Variants in KIF5C observed in about 807,000 individuals in gnomAD.
KIF5C encodes kinesin heavy chain isoform 5C.
Under a neutral mutation model 125.2 loss-of-function variants are expected in KIF5C, and 18 were observed. The ratio of observed to expected loss-of-function variants is 0.14; its 90% CI spans 0.10 to 0.21. The LOEUF is 0.21. Among genes scored for constraint, KIF5C ranks in the 10% least tolerant of loss-of-function variants. The pLI, the probability that KIF5C is intolerant of heterozygous loss-of-function variation, is 1.00. For synonymous variants in KIF5C, 405 were observed against 434.0 expected (o/e 0.93, Z 0.83); for missense variants, 780 against 1,183.8 (o/e 0.66, Z 5.01).
intron 1 of KIF5C, chr2:148,878,708 G>C (rs567061384): frequency 1.3e-4 from 20 of 152,326 alleles, no homozygotes; most frequent in African/African-American, 4.8e-4. Context: ...AATTCAGTTG[G>C]AGCCGGCTGA....
chr2:148,994,684 C>A, intron 17 of KIF5C, 146 bp downstream of exon 17: 1 of 1,020,546 alleles, frequency 9.8e-7, no homozygotes, highest in Non-Finnish European at 1.3e-6. Flanking sequence ...AAAAAAGGAG[C>A]GATTTCTTTT....
chr2:148,891,990 A>G (rs1681720753), intron 1 of KIF5C, among the ~76,000 whole-genome samples: 1 of 152,158 alleles, frequency 6.6e-6, no homozygotes, highest in Non-Finnish European at 1.5e-5. Flanking sequence ...GAGCCACTGC[A>G]TCATTCATTT....
chr2:148,951,840 A>C (rs552988502), intron 10 of KIF5C, among the ~76,000 whole-genome samples: 2 of 152,278 alleles, frequency 1.3e-5, no homozygotes, highest in South Asian at 4.1e-4. Flanking sequence ...GATGAGAGAA[A>C]GGACAGATGG....
chr2:148,927,187 A>G (rs1306926944), intron 2 of KIF5C, among the ~76,000 whole-genome samples: 1 of 152,086 alleles, frequency 6.6e-6, no homozygotes, highest in South Asian at 2.1e-4. Context: ...AGTTAGTGGG[A>G]TTGTGCCTTC....
At chr2:148,943,594 A>G (rs1682458482) in intron 7 of KIF5C, among the ~76,000 whole-genome samples, 1 of 152,164 alleles carries the variant, frequency 6.6e-6, no homozygotes, top group Non-Finnish European at 1.5e-5. Context: ...TTCCATCTCA[A>G]TACTTAGAAT....
chr2:148,962,464 C>G (rs1371683103), intron 11 of KIF5C, among the ~76,000 whole-genome samples: 1 of 152,004 alleles, frequency 6.6e-6, no homozygotes, highest in Non-Finnish European at 1.5e-5. Context: ...TAAACGTGAG[C>G]CACCGTGCCT....
rs778816491 is a variant in KIF5C at position 148,875,673 on chromosome 2, A to G, written c.56A>G (p.Asn19Ser). Reference sequence around the variant, plus strand: ...GTGATGTGCCGGTTCCGGCCCCTCAACGAAGCGGAGATCCTCCGCGGGGAC... The same window carrying G: ...GTGATGTGCCGGTTCCGGCCCCTCAGCGAAGCGGAGATCCTCCGCGGGGAC... ...IKVMCRFRPL[N>S]EAEILRGDKF... The change falls in exon 1 of 26, where the codon AAC (asparagine) becomes AGC (serine). Residue 19 changes from asparagine to serine, a missense_variant. Asn to Ser is a conservative substitution (Grantham distance 46). Around this residue, in one of 2 missense-constraint regions of KIF5C, gnomAD observed 207 missense variants for 441.2 expected, o/e 0.47. Transcript: ENST00000435030. 19 of 1,579,452 alleles carry G rather than the reference A, an allele frequency of 1.2e-5. No homozygotes were observed. Among genetic ancestry groups the G allele is most frequent in the Admixed American group, 1.8e-5 (1 of 55,130 alleles).
intron 25 of KIF5C, among the ~76,000 whole-genome samples, 174 bp downstream of exon 25, chr2:149,011,857 C>T (rs1682218409): frequency 6.6e-6 from 1 of 152,248 alleles, no homozygotes; most frequent in African/African-American, 2.4e-5. Flanking sequence ...TAGTCCAGAG[C>T]CCTGGGGTCT....
intron 15 of KIF5C, among the ~76,000 whole-genome samples, chr2:148,989,708 G>A (rs914806065): frequency 6.6e-6 from 1 of 151,924 alleles, no homozygotes; most frequent in African/African-American, 2.4e-5. Flanking sequence ...TTCACATTGT[G>A]GTTTTGATTT....
chr2:148,947,332 G>A (rs1682542281), intron 8 of KIF5C: 1 of 295,612 alleles, frequency 3.4e-6, no homozygotes, highest in African/African-American at 2.2e-5. Flanking sequence ...GCACACATGT[G>A]GGAGGGATAT....
chr2:148,881,563 G>A (rs1395568161), intron 1 of KIF5C, among the ~76,000 whole-genome samples: 6 of 151,752 alleles, frequency 4.0e-5, no homozygotes, highest in Admixed American at 2.6e-4. Flanking sequence ...CTGCATTTCT[G>A]TAAATAACTT....
chr2:148,990,263 C>G (rs1328432023), intron 15 of KIF5C, among the ~76,000 whole-genome samples: 2 of 152,204 alleles, frequency 1.3e-5, no homozygotes, highest in African/African-American at 4.8e-5. Flanking sequence ...TGCGGGAATG[C>G]TGGCTGTCAG....
chr2:148,884,107 T>C (rs1351287672), intron 1 of KIF5C: 1 of 152,248 alleles, frequency 6.6e-6, no homozygotes, highest in Non-Finnish European at 1.5e-5. Context: ...CGTCATGCAC[T>C]GTTAACCCCC....
At chr2:148,957,592 TAAAAA>T (rs201033625) in intron 10 of KIF5C, among the ~76,000 whole-genome samples, 41 of 71,796 alleles carry the variant, frequency 5.7e-4, no homozygotes, top group African/African-American at 7.8e-4. Flanking sequence ...TTTGTTCTAG[TAAAAA>T]AAAAAAAAAA....
At chr2:149,011,453 T>C (rs778228059) in intron 24 of KIF5C, 117 bp from the exon 25 acceptor site, 288 of 1,391,688 alleles carry the variant, frequency 2.1e-4, no homozygotes, top group Middle Eastern at 1.9e-4. Context: ...TGATAAGAAT[T>C]GTACTGTTGG....
intron 7 of KIF5C, among the ~76,000 whole-genome samples, chr2:148,946,267 G>A (rs1682518572): frequency 6.6e-6 from 1 of 152,202 alleles, no homozygotes; most frequent in Non-Finnish European, 1.5e-5. Context: ...TGCTGGTGAA[G>A]GCTGAATGGG....
intron 3 of KIF5C, among the ~76,000 whole-genome samples, chr2:148,933,013 C>CT (rs1285048421): frequency 6.6e-6 from 1 of 152,118 alleles, no homozygotes; most frequent in Non-Finnish European, 1.5e-5. Flanking sequence ...TTATAAAGAT[C>CT]TTTCTCCTAT....
At chr2:148,994,678 A>C (rs1681616624) in intron 17 of KIF5C, 140 bp downstream of exon 17, 1 of 1,077,666 alleles carries the variant, frequency 9.3e-7, no homozygotes, top group African/African-American at 1.6e-5. Context: ...ACTAGAAAAA[A>C]AGGAGCGATT....
intron 25 of KIF5C, among the ~76,000 whole-genome samples, chr2:149,013,097 T>C (rs999079197): frequency 7.2e-5 from 11 of 152,244 alleles, no homozygotes; most frequent in Non-Finnish European, 8.8e-5. Context: ...GTGATTCTGA[T>C]ATTCATCGAA....
Sources: gnomAD v4.1 joint callset for allele counts (sites outside exome capture counted in the v4.1 genomes callset) on GRCh38, gnomAD v4.1.1 for gene constraint, gnomAD v4.1.1 regional missense constraint, MANE v1.5 for transcripts, NCBI Gene and HGNC (gene_info 2026-07-23, HGNC 2026-07-21) for gene names.